AP4E1: variants seen among roughly 807,000 people sequenced by gnomAD.
AP4E1 encodes the protein adaptor related protein complex 4 subunit epsilon 1, also known as AP-4 complex subunit epsilon-1.
AP4E1 carries 56 observed loss-of-function variants against 128.2 expected under a neutral mutation model. The ratio of observed to expected loss-of-function variants is 0.44; its 90% CI spans 0.35 to 0.55. The LOEUF (loss-of-function observed/expected upper bound fraction) is 0.55, where lower values mean the gene tolerates loss of function less well. Among genes scored for constraint, AP4E1 ranks in the 20% least tolerant of loss-of-function variants. The pLI is 0.00. For synonymous variants in AP4E1, 484 were observed against 473.1 expected (o/e 1.02, Z -0.30); for missense variants, 1,324 against 1,307.7 (o/e 1.01, Z -0.19).
chr15:50,909,342 T>TC (rs1481711963), intron 1 of AP4E1, among the ~76,000 whole-genome samples: 1 of 152,216 alleles, frequency 6.6e-6, no homozygotes, highest in African/African-American at 2.4e-5. Flanking sequence ...AAGTTTTTTT[T>TC]CCCTACTCAG....
chr15:50,987,805 C>G (rs1234143322), intron 16 of AP4E1, among the ~76,000 whole-genome samples: 1 of 152,140 alleles, frequency 6.6e-6, no homozygotes, highest in Non-Finnish European at 1.5e-5. Flanking sequence ...TTTTTAAAAG[C>G]TAAATTGTAT....
Position 50,974,244 on chromosome 15 carries a change from G to A in AP4E1, c.1966+5867G>A, listed in dbSNP as rs565969661. On this transcript the variant is annotated intron_variant, in intron 15 of 20. Coordinates refer to ENST00000261842, the MANE Select transcript of AP4E1 (RefSeq NM_007347.5). ...GCTTCCCAAAGTGCTGGGATTACAG[G>A]TATGAGCCACTGTGCCCGGCCATTT... Among the ~76,000 whole-genome samples, 16 of 150,358 alleles carry A rather than the reference G, an allele frequency of 1.1e-4. No homozygotes were observed. The South Asian group carries it at 3.2e-3, about 30-fold the overall frequency.
intron 17 of AP4E1, among the ~76,000 whole-genome samples, chr15:50,996,561 C>A (rs992795265): frequency 9.2e-5 from 14 of 152,084 alleles, no homozygotes; most frequent in African/African-American, 3.1e-4. Flanking sequence ...CAACTAGAAT[C>A]ATGTAAAGGA....
At chr15:50,936,789 C>G (rs2063913360) in intron 8 of AP4E1, among the ~76,000 whole-genome samples, 1 of 152,098 alleles carries the variant, frequency 6.6e-6, no homozygotes, top group Non-Finnish European at 1.5e-5. Context: ...CAAATATTAG[C>G]TGGGCATGGT....
chr15:51,003,422 CAG>C lies in AP4E1; in HGVS notation c.*762_*763del, dbSNP rs1292875866. 6.6e-6 allele frequency: 1 copy of C among 152,304 alleles called. No individual in the cohort carries two copies. The highest frequency in any genetic ancestry group is 1.5e-5 in the Non-Finnish European group (1 of 68,004). The allele number at this position is 152,304 out of a possible 1,614,324, so 9.4% of individuals were successfully genotyped here. ...TAAGAGCACACAGTAACAAAGCAAACAGATACAAAAATGACTTTTTAGTTATG... is the reference window on the plus strand; with the variant it reads ...TAAGAGCACACAGTAACAAAGCAAACATACAAAAATGACTTTTTAGTTATG... On this transcript the variant is annotated 3_prime_UTR_variant, in exon 21 of 21. Coordinates refer to ENST00000261842, the MANE Select transcript of AP4E1 (RefSeq NM_007347.5).
rs1333396311 is a variant in AP4E1 at position 50,908,792 on chromosome 15, TGGA to T, written c.16_18del (p.Glu6del). 3.1e-6 allele frequency: 5 copies of T among 1,591,770 alleles called. No individual in the cohort carries two copies. Among genetic ancestry groups the T allele is most frequent in the Non-Finnish European group, 4.3e-6 (5 of 1,170,072 alleles). ...GCGGCGGCGGCGATGAGCGACATAG[TGGA>T]GAAGACGCTGACGGCGCTGCCGGGA... On this transcript the variant is annotated inframe_deletion, in exon 1 of 21. Transcript: ENST00000261842.
rs1336015431 is a variant in AP4E1 at position 50,908,948 on chromosome 15, G to A, written c.150+20G>A. 1.9e-6 allele frequency: 3 copies of A among 1,610,076 alleles called. No homozygotes were observed. Among genetic ancestry groups the A allele is most frequent in the Non-Finnish European group, 2.5e-6 (3 of 1,179,278 alleles). ...AAGCACGTAGGTGCCCGCCGGCCCG[G>A]GAGCTCAGGGACATCGGAGTGAGGC... On this transcript the variant is annotated intron_variant, in intron 1 of 20. Coordinates refer to ENST00000261842, the MANE Select transcript of AP4E1 (RefSeq NM_007347.5).
At chr15:50,909,008 C>A in intron 1 of AP4E1, 80 bp downstream of exon 1, 1 of 1,582,158 alleles carries the variant, frequency 6.3e-7, no homozygotes, top group Non-Finnish European at 8.6e-7. Flanking sequence ...GGCGGCGAGA[C>A]TTCAGGGCCT....
At chr15:50,964,234 AT>A (rs1381328804) in intron 14 of AP4E1, among the ~76,000 whole-genome samples, 1 of 152,100 alleles carries the variant, frequency 6.6e-6, no homozygotes, top group African/African-American at 2.4e-5. Context: ...ATGTCTTCAA[AT>A]TTGGAGTCTC....
At chr15:50,973,021 T>C (rs180680013) in intron 15 of AP4E1, among the ~76,000 whole-genome samples, 1 of 152,308 alleles carries the variant, frequency 6.6e-6, no homozygotes, top group Non-Finnish European at 1.5e-5. Flanking sequence ...ACTTAAGAAA[T>C]GCAGCCTGTT....
Position 50,908,750 on chromosome 15 carries a change from C to G in AP4E1, c.-29C>G, listed in dbSNP as rs1318212178. ...AGCCGGGCGGCTACGGGATCGCGGG[C>G]GGCGGCGGCATCGCGGGCGGCGGCG... On this transcript the variant is annotated 5_prime_UTR_variant, in exon 1 of 21. Transcript: ENST00000261842. The G allele has an allele frequency of 1.3e-6, 2 of 1,503,422 alleles. No individual in the cohort carries two copies. Among genetic ancestry groups the G allele is most frequent in the East Asian group, 2.8e-5 (1 of 35,960 alleles). The allele number at this position is 1,503,422 out of a possible 1,614,324, so 93.1% of individuals were successfully genotyped here.
intron 14 of AP4E1, among the ~76,000 whole-genome samples, chr15:50,965,306 T>G (rs1224730906): frequency 6.6e-6 from 1 of 152,168 alleles, no homozygotes; most frequent in Non-Finnish European, 1.5e-5. Flanking sequence ...TGTGCACCAC[T>G]GGTAGCAATG....
chr15:50,928,988 A>T (rs2063799132), intron 5 of AP4E1, 21 bp from the exon 6 acceptor site: 1 of 1,612,806 alleles, frequency 6.2e-7, no homozygotes, highest in Non-Finnish European at 8.5e-7. Context: ...GTCTTGTTTA[A>T]ATTTCATTTT....
intron 7 of AP4E1, among the ~76,000 whole-genome samples, chr15:50,931,734 A>T (rs2063839031): frequency 1.3e-5 from 2 of 152,130 alleles, no homozygotes; most frequent in Non-Finnish European, 2.9e-5. Context: ...CACATCATGA[A>T]GTATTATTCT....
At position 50,959,574 on chromosome 15, in the gene AP4E1, C is replaced by T. The variant is rs371073032; in HGVS notation, c.1851+780C>T. Among the ~76,000 whole-genome samples, 5 of 152,282 alleles carry T rather than the reference C, an allele frequency of 3.3e-5. 1 individual carries two copies. Among genetic ancestry groups the T allele is most frequent in the Non-Finnish European group, 1.5e-5 (1 of 68,024 alleles). On this transcript the variant is annotated intron_variant, in intron 14 of 20. Coordinates refer to ENST00000261842, the MANE Select transcript of AP4E1 (RefSeq NM_007347.5). ...AAAAGAAATGTTTGAGGGAGTCTTA[C>T]ATCTGGGAGTGAAAAGATATCTACC...
chr15:50,959,174 G>A (rs2064275825), intron 14 of AP4E1, among the ~76,000 whole-genome samples: 1 of 150,588 alleles, frequency 6.6e-6, no homozygotes, highest in South Asian at 2.1e-4. Context: ...TTGCACCATT[G>A]CACTCCAGCC....
rs570366000 is a variant in AP4E1, at chr15:50,957,504, G to A, written c.1549-988G>A. On this transcript the variant is annotated intron_variant, in intron 13 of 20. Transcript: ENST00000261842. ...TTTGAATGGGAAAATAGGGATATAA[G>A]TTCTCACTTTGGGCCGTGGTCTCAG... is the stretch of plus-strand genomic sequence containing the variant. Among the ~76,000 whole-genome samples the A allele has an allele frequency of 2.6e-5, 4 of 152,146 alleles. No individual in the cohort carries two copies. The East Asian group carries it at 7.7e-4, about 29-fold the overall frequency.
intron 17 of AP4E1, among the ~76,000 whole-genome samples, chr15:50,994,970 G>T (rs566774166): frequency 6.6e-6 from 1 of 152,054 alleles, no homozygotes; most frequent in African/African-American, 2.4e-5. Flanking sequence ...TATCACTGAA[G>T]AGTAGAAAAA....
intron 16 of AP4E1, among the ~76,000 whole-genome samples, chr15:50,985,528 T>G (rs2064708234): frequency 6.6e-6 from 1 of 152,254 alleles, no homozygotes; most frequent in Non-Finnish European, 1.5e-5. Flanking sequence ...TTTCTACATG[T>G]GGCTAGCCAG....
Sources: allele counts gnomAD v4.1 joint callset (sites outside exome capture counted in the v4.1 genomes callset), GRCh38; gene constraint gnomAD v4.1.1; transcripts MANE v1.5; gene names NCBI Gene and HGNC (gene_info 2026-07-23, HGNC 2026-07-21).